Variants in TGFBR3 observed in about 807,000 individuals in gnomAD.
The protein encoded by TGFBR3 is transforming growth factor beta receptor 3, also known as transforming growth factor beta receptor type 3.
TGFBR3 carries 46 observed loss-of-function variants against 87.9 expected under a neutral mutation model. The ratio of observed to expected loss-of-function variants is 0.52; its 90% CI spans 0.41 to 0.67. The LOEUF is 0.67. Ranked by LOEUF, TGFBR3 falls within the 30% of genes least tolerant of loss-of-function variation. The pLI is 0.00. For synonymous variants in TGFBR3, 381 were observed against 391.6 expected, an observed-to-expected ratio of 0.97 and a Z score of 0.32; for missense variants, 866 against 1,041.9, an observed-to-expected ratio of 0.83 and a Z score of 2.32.
intron 2 of TGFBR3, among the ~76,000 whole-genome samples, chr1:91,842,823 G>A (rs1677338372): frequency 1.3e-5 from 2 of 152,142 alleles, no homozygotes; most frequent in Non-Finnish European, 2.9e-5. Context: ...GGTATAATTA[G>A]CAGTATTGTA....
At chr1:91,836,290 T>C (rs1350524981) in intron 2 of TGFBR3, among the ~76,000 whole-genome samples, 1 of 152,066 alleles carries the variant, frequency 6.6e-6, no homozygotes, top group Non-Finnish European at 1.5e-5. Flanking sequence ...AAAATTCAGA[T>C]GTCATGAAGA....
chr1:91,892,848 T>TG (rs558980864), intron 2 of TGFBR3, among the ~76,000 whole-genome samples: 55 of 152,352 alleles, frequency 3.6e-4, no homozygotes, highest in Non-Finnish European at 3.7e-4. Context: ...CGTTTTGAGT[T>TG]GCATCTGTGT....
chr1:91,892,061 A>C (rs577016638), intron 2 of TGFBR3, among the ~76,000 whole-genome samples: 1 of 152,324 alleles, frequency 6.6e-6, no homozygotes, highest in Admixed American at 6.5e-5. Flanking sequence ...TAAAAATCCA[A>C]AGCAAATTTT....
At chr1:91,779,918 G>A (rs532486125) in intron 3 of TGFBR3, among the ~76,000 whole-genome samples, 30 of 152,280 alleles carry the variant, frequency 2.0e-4, no homozygotes, top group African/African-American at 7.2e-4. Flanking sequence ...GGCTCCAGGA[G>A]AGAACCTGTT....
intron 1 of TGFBR3, among the ~76,000 whole-genome samples, chr1:91,866,134 T>C (rs1037768200): frequency 5.3e-5 from 8 of 152,196 alleles, no homozygotes; most frequent in Admixed American, 5.2e-4. Context: ...CTCAAAACCA[T>C]CACGTTCTAA....
At chr1:91,803,459 G>C (rs764202310) in intron 2 of TGFBR3, among the ~76,000 whole-genome samples, 18 of 152,212 alleles carry the variant, frequency 1.2e-4, no homozygotes, top group Non-Finnish European at 2.6e-4. Context: ...GACAGAAGCA[G>C]CATGCTGAGG....
chr1:91,752,749 A>G (rs923625052), intron 4 of TGFBR3, among the ~76,000 whole-genome samples: 2 of 152,068 alleles, frequency 1.3e-5, no homozygotes, highest in African/African-American at 4.8e-5. Flanking sequence ...GAGGCCGGGC[A>G]TAGTGGCTCA....
chr1:91,739,280 G>C (rs949637320), intron 4 of TGFBR3, among the ~76,000 whole-genome samples: 8 of 152,126 alleles, frequency 5.3e-5, no homozygotes, highest in Non-Finnish European at 1.0e-4. Context: ...AGAAACAGTG[G>C]TCACTCACAC....
At chr1:91,774,250 G>A (rs190102607) in intron 3 of TGFBR3, among the ~76,000 whole-genome samples, 6 of 151,632 alleles carry the variant, frequency 4.0e-5, no homozygotes, top group Admixed American at 2.0e-4. Flanking sequence ...TGATTCTCCC[G>A]CCTCAACCTC....
At chr1:91,773,422 A>G (rs1392053974) in intron 3 of TGFBR3, among the ~76,000 whole-genome samples, 1 of 151,820 alleles carries the variant, frequency 6.6e-6, no homozygotes, top group Admixed American at 6.6e-5. Context: ...GCTCATGAGC[A>G]TTATCCCAGC....
rs536319603 is a variant in TGFBR3 at position 91,892,935 on chromosome 1, G to A, written c.-114+6702C>T. ...TTCAGGGAAATGCTTTATTCCTAAAGCCAACTGATCAAACATTTCCTTCCT... is the reference window on the plus strand; with the variant it reads ...TTCAGGGAAATGCTTTATTCCTAAAACCAACTGATCAAACATTTCCTTCCT... On this transcript the variant is annotated intron_variant, in intron 2 of 17. Transcript: ENST00000370399. 4.6e-5 allele frequency among the ~76,000 whole-genome samples: 7 copies of A among 152,266 alleles called. No individual in the cohort carries two copies. In the South Asian group the frequency reaches 1.5e-3, roughly 32 times the overall value.
chr1:91,809,448 A>C (rs1675953791), intron 2 of TGFBR3, among the ~76,000 whole-genome samples: 1 of 152,164 alleles, frequency 6.6e-6, no homozygotes, highest in Admixed American at 6.5e-5. Context: ...AAACTGTAAG[A>C]GGGTCAGGAA....
At chr1:91,883,187 A>G (rs1679164522) in intron 1 of TGFBR3, among the ~76,000 whole-genome samples, 1 of 152,190 alleles carries the variant, frequency 6.6e-6, no homozygotes, top group Non-Finnish European at 1.5e-5. Context: ...TCACTTTTTA[A>G]AGAGATGGGG....
chr1:91,716,309 T>C lies in TGFBR3; in HGVS notation c.1793A>G (p.Tyr598Cys), dbSNP rs748328802. The change falls in exon 12 of 17, where the codon TAC becomes TGC. Residue 598 changes from tyrosine to cysteine, a missense_variant. Transcript: ENST00000212355. ...HGNITFNMELYNTDLFLVPSQ... is the reference protein window; with the variant it reads ...HGNITFNMELCNTDLFLVPSQ... ...GGGCACCAAAAAGAGGTCAGTGTTG[T>C]ATAGCTCCATGTTGAAGGTGATGTT... 5 of 1,614,148 alleles carry C rather than the reference T, an allele frequency of 3.1e-6. No homozygotes were observed. Among genetic ancestry groups the C allele is most frequent in the Non-Finnish European group, 4.2e-6 (5 of 1,180,026 alleles).
At chr1:91,688,954 G>C (rs568095112) in intron 16 of TGFBR3, among the ~76,000 whole-genome samples, 3 of 152,118 alleles carry the variant, frequency 2.0e-5, no homozygotes, top group Non-Finnish European at 2.9e-5. Context: ...AGCTGGAACA[G>C]ACGGAAACCC....
At chr1:91,826,801 T>C (rs1176538874) in intron 2 of TGFBR3, among the ~76,000 whole-genome samples, 1 of 150,778 alleles carries the variant, frequency 6.6e-6, no homozygotes, top group Non-Finnish European at 1.5e-5. Flanking sequence ...CTCCCTGGTC[T>C]GGAGGCACCT....
At chr1:91,834,596 T>G (rs962401373) in intron 2 of TGFBR3, among the ~76,000 whole-genome samples, 6 of 152,150 alleles carry the variant, frequency 3.9e-5, no homozygotes, top group Non-Finnish European at 7.3e-5. Flanking sequence ...AGATAAGCAG[T>G]TTCTCCTCTG....
chr1:91,779,953 G>A (rs1053361724), intron 3 of TGFBR3, among the ~76,000 whole-genome samples: 1 of 152,102 alleles, frequency 6.6e-6, no homozygotes, highest in African/African-American at 2.4e-5. Flanking sequence ...GGTTCTCGTG[G>A]CTGCTGGCAT....
In TGFBR3 at chr1:91,720,274, G is replaced by A. The variant is rs1485971948; in HGVS notation, c.1076-44C>T. On this transcript the variant is annotated intron_variant, in intron 8 of 16. Coordinates refer to ENST00000212355, the MANE Select transcript of TGFBR3 (RefSeq NM_003243.5). ...AAAACATCAGCAGTGTTTGATGCCA[G>A]GCCACAACCAACATCATTACAGGCA... The A allele has an allele frequency of 3.3e-6, 5 of 1,524,164 alleles. No homozygotes were observed. The African/African-American group carries it at 4.1e-5, about 13-fold the overall frequency. The allele number at this position is 1,524,164 out of a possible 1,614,324, so 94.4% of individuals were successfully genotyped here. A position where few individuals can be genotyped will look rare whatever the true frequency, so the allele number is the denominator to read the frequency against.
Sources: gnomAD v4.1 joint callset for allele counts (sites outside exome capture counted in the v4.1 genomes callset) on GRCh38, gnomAD v4.1.1 for gene constraint, MANE v1.5 for transcripts, NCBI Gene and HGNC (gene_info 2026-07-23, HGNC 2026-07-21) for gene names.